Variants in PPP2CB observed in about 807,000 individuals in gnomAD.
PPP2CB encodes serine/threonine-protein phosphatase 2A catalytic subunit beta isoform.
PPP2CB carries 18 observed loss-of-function variants against 39.1 expected under a neutral mutation model. That is an observed-to-expected ratio of 0.46 (90% CI 0.32 to 0.68). PPP2CB has a LOEUF of 0.68. Among genes scored for constraint, PPP2CB ranks in the 30% least tolerant of loss-of-function variants. The pLI, the probability that PPP2CB is intolerant of heterozygous loss-of-function variation, is 0.04. For synonymous variants in PPP2CB, 129 were observed against 133.8 expected (o/e 0.96, Z 0.25); for missense variants, 226 against 396.9 (o/e 0.57, Z 3.66).
At chr8:30,786,480 A>G (rs1806343937) in intron 6 of PPP2CB, 173 bp from the exon 7 acceptor site, 1 of 495,524 alleles carries the variant, frequency 2.0e-6, no homozygotes, top group South Asian at 3.6e-5. Context: ...CATTCCAACT[A>G]ACTGCTTCAT....
chr8:30,806,046 ATTTTT>A (rs1217819037), intron 1 of PPP2CB, among the ~76,000 whole-genome samples: 1 of 137,256 alleles, frequency 7.3e-6, no homozygotes, highest in Admixed American at 7.3e-5. Context: ...GGTTAATATG[ATTTTT>A]TTTTTTTTTT....
chr8:30,795,285 T>C (rs1563215161), intron 3 of PPP2CB, among the ~76,000 whole-genome samples: 1 of 152,096 alleles, frequency 6.6e-6, no homozygotes, highest in Admixed American at 6.5e-5. Context: ...CTGGCTAATT[T>C]TGTATTTTTA....
At position 30,797,650 on chromosome 8, in the gene PPP2CB, A is replaced by G; in HGVS notation, c.417T>C (p.Asn139=). The G allele has an allele frequency of 6.2e-7, 1 of 1,613,976 alleles. No individual in the cohort carries two copies. ...CTGTAAAATATTTCCAAACGTTGGC[A>G]TTCCCATACTTTCGCAGACATTCAT... ...FYDECLRKYG[N]ANVWKYFTDL... is the part of the protein sequence containing the mutation. The change falls in exon 3 of 7, where the codon AAT becomes AAC. Residue 139 remains asparagine (N), a synonymous_variant. Coordinates refer to ENST00000221138, the MANE Select transcript of PPP2CB (RefSeq NM_001009552.2).
intron 6 of PPP2CB, among the ~76,000 whole-genome samples, chr8:30,789,711 G>A (rs148049019): frequency 1.4e-4 from 21 of 152,286 alleles, no homozygotes; most frequent in African/African-American, 4.6e-4. Context: ...ATGATGAGAG[G>A]TTGTGTTTAA....
intron 5 of PPP2CB, 79 bp from the exon 6 acceptor site, chr8:30,791,394 C>A: frequency 3.0e-6 from 3 of 990,558 alleles, no homozygotes; most frequent in Non-Finnish European, 3.1e-6. Context: ...AAACTAAACT[C>A]AAAAACTACA....
At chr8:30,806,207 C>A (rs1323678931) in intron 1 of PPP2CB, among the ~76,000 whole-genome samples, 1 of 151,502 alleles carries the variant, frequency 6.6e-6, no homozygotes, top group Non-Finnish European at 1.5e-5. Flanking sequence ...GCCACCACGC[C>A]TGGCTGATTT....
At chr8:30,787,368 C>T (rs914060992) in intron 6 of PPP2CB, among the ~76,000 whole-genome samples, 1 of 152,196 alleles carries the variant, frequency 6.6e-6, no homozygotes, top group African/African-American at 2.4e-5. Context: ...GAGACAGGGT[C>T]TCACTCTGTT....
chr8:30,795,913 T>C (rs1012080894), intron 3 of PPP2CB, among the ~76,000 whole-genome samples: 7 of 152,228 alleles, frequency 4.6e-5, no homozygotes, highest in Non-Finnish European at 7.3e-5. Flanking sequence ...CATCTTTTCT[T>C]CTAGATCAGT....
At chr8:30,791,535 T>C (rs1806428952) in intron 5 of PPP2CB, 2 of 373,392 alleles carry the variant, frequency 5.4e-6, no homozygotes, top group Non-Finnish European at 4.7e-6. Flanking sequence ...TCGCTAATTG[T>C]TGTTTTGCCG....
At chr8:30,786,810 C>T (rs1048363481) in intron 6 of PPP2CB, among the ~76,000 whole-genome samples, 1 of 150,688 alleles carries the variant, frequency 6.6e-6, no homozygotes, top group Non-Finnish European at 1.5e-5. Context: ...ACTACAGGAA[C>T]CCATTACCAT....
intron 6 of PPP2CB, among the ~76,000 whole-genome samples, chr8:30,787,515 T>C (rs1005311048): frequency 2.0e-5 from 3 of 152,204 alleles, no homozygotes; most frequent in Admixed American, 6.5e-5. Context: ...AATTTTTGTA[T>C]TCTTTGTAGA....
rs1028839227 is a variant in PPP2CB at position 30,812,456 on chromosome 8, G to A, written c.-35C>T. 108 of 1,432,994 alleles carry A rather than the reference G, an allele frequency of 7.5e-5. No homozygotes were observed. The highest frequency in any genetic ancestry group is 9.9e-5 in the Non-Finnish European group (107 of 1,079,590). The allele number at this position is 1,432,994 out of a possible 1,614,324, so 88.8% of individuals were successfully genotyped here. On this transcript the variant is annotated 5_prime_UTR_variant, in exon 1 of 7. Transcript: ENST00000221138. ...ATCCCGATGCGGATCCCGAGCCCCAGCCCGGCCGCCGCCCTCCCCCCTCCC... is the reference window on the plus strand; with the variant it reads ...ATCCCGATGCGGATCCCGAGCCCCAACCCGGCCGCCGCCCTCCCCCCTCCC...
At chr8:30,808,556 T>C (rs1205356967) in intron 1 of PPP2CB, among the ~76,000 whole-genome samples, 4 of 152,212 alleles carry the variant, frequency 2.6e-5, no homozygotes, top group African/African-American at 9.6e-5. Context: ...AAAGATAGTT[T>C]ATATAATTAG....
chr8:30,799,755 C>A lies in PPP2CB; in HGVS notation c.103G>T (p.Ala35Ser). 6.2e-7 allele frequency: 1 copy of A among 1,612,422 alleles called. No individual in the cohort carries two copies. The highest frequency in any genetic ancestry group is 8.5e-7 in the Non-Finnish European group (1 of 1,178,960). The change falls in exon 2 of 7, where the codon GCA (alanine) becomes TCA (serine). Residue 35 changes from alanine to serine, a missense_variant and splice_region_variant. By Grantham distance (99) the Ala-to-Ser change is moderately conservative. Around this residue, in one of 4 missense-constraint regions of PPP2CB, gnomAD observed 59 missense variants for 42.6 expected, o/e 1.38. Transcript: ENST00000221138. The part of the protein sequence containing the change: ...ENQVRTLCEK[A>S]KEILTKESNV... ...GATTCTTTTGTTAAAATTTCCTTTG[C>A]CTGTTAGAAAAGTGAAATCAACAAT...
intron 1 of PPP2CB, among the ~76,000 whole-genome samples, chr8:30,805,293 C>CT (rs1806702132): frequency 6.6e-6 from 1 of 152,184 alleles, no homozygotes; most frequent in Non-Finnish European, 1.5e-5. Context: ...GGCGCAGTGG[C>CT]TCACGCCTGC....
chr8:30,800,442 G>T (rs796489129), intron 1 of PPP2CB, among the ~76,000 whole-genome samples: 14 of 152,288 alleles, frequency 9.2e-5, no homozygotes, highest in African/African-American at 3.1e-4. Flanking sequence ...GCAAATTCTT[G>T]TGTGAACAAA....
chr8:30,790,372 T>C (rs1806410872), intron 6 of PPP2CB, among the ~76,000 whole-genome samples: 2 of 152,234 alleles, frequency 1.3e-5, no homozygotes, highest in Admixed American at 1.3e-4. Context: ...TGCTCTGCTC[T>C]TTTGTATGTT....
chr8:30,785,889 A>G lies in PPP2CB; in HGVS notation c.*346T>C, dbSNP rs538482825. On this transcript the variant is annotated 3_prime_UTR_variant, in exon 7 of 7. Transcript: ENST00000221138. ...AATAAAACTCCAACTCTATTAATCC[A>G]TGCCAGTTAAACACTATAACTAAAA... The G allele has an allele frequency of 9.0e-4, 400 of 443,690 alleles. 1 individual carries two copies. The highest frequency in any genetic ancestry group is 1.4e-3 in the Non-Finnish European group (323 of 226,844). The allele number at this position is 443,690 out of a possible 1,614,324, so 27.5% of individuals were successfully genotyped here. A position where few individuals can be genotyped will look rare whatever the true frequency, so the allele number is the denominator to read the frequency against.
intron 1 of PPP2CB, among the ~76,000 whole-genome samples, chr8:30,801,888 A>G (rs991011995): frequency 6.6e-6 from 1 of 152,144 alleles, no homozygotes; most frequent in African/African-American, 2.4e-5. Flanking sequence ...AAGCAACTCT[A>G]AAGAGCAGGG....
Sources: gnomAD v4.1 joint callset for allele counts (sites outside exome capture counted in the v4.1 genomes callset) on GRCh38, gnomAD v4.1.1 for gene constraint, gnomAD v4.1.1 regional missense constraint, MANE v1.5 for transcripts, NCBI Gene and HGNC (gene_info 2026-07-23, HGNC 2026-07-21) for gene names.